Variants in RPS10 observed in about 807,000 individuals in gnomAD.
RPS10 encodes the protein small ribosomal subunit protein eS10.
RPS10 carries 2 observed loss-of-function variants against 22.6 expected under a neutral mutation model. That is an observed-to-expected ratio of 0.09 (90% CI 0.04 to 0.28). The LOEUF is 0.28. Ranked by LOEUF, RPS10 falls within the 10% of genes least tolerant of loss-of-function variation. The pLI, the probability that RPS10 is intolerant of heterozygous loss-of-function variation, is 1.00. For missense variants in RPS10, 137 were observed against 222.2 expected (o/e 0.62, Z 2.44); for synonymous variants, 70 against 75.9 (o/e 0.92, Z 0.40).
intron 5 of RPS10, 115 bp downstream of exon 5, chr6:34,418,254 G>A (rs1765643726): frequency 6.3e-7 from 1 of 1,575,534 alleles, no homozygotes; most frequent in Non-Finnish European, 8.6e-7. Context: ...GTGGGAGGAG[G>A]GAACTGGTTG....
chr6:34,424,361 G>A (rs114388706), intron 3 of RPS10: 150 of 364,094 alleles, frequency 4.1e-4, no homozygotes, highest in African/African-American at 2.8e-3. Flanking sequence ...TGGACTTCTC[G>A]GGAATAGTAC....
intron 4 of RPS10, among the ~76,000 whole-genome samples, chr6:34,419,178 A>G (rs978765994): frequency 1.1e-4 from 17 of 151,276 alleles, no homozygotes; most frequent in African/African-American, 3.9e-4. Context: ...GCCACCATGC[A>G]TGGCTAATTT....
chr6:34,418,138 A>AT, intron 5 of RPS10: 1 of 1,451,608 alleles, frequency 6.9e-7, no homozygotes, highest in Non-Finnish European at 9.1e-7. Context: ...AACAGAAAAT[A>AT]CTAGTAGGCC....
At chr6:34,418,237 G>C in intron 5 of RPS10, 132 bp downstream of exon 5, 1 of 1,549,798 alleles carries the variant, frequency 6.5e-7, no homozygotes, top group Non-Finnish European at 8.7e-7. Context: ...TTGGAATTTG[G>C]AAAAAAGTGG....
chr6:34,425,612 G>A (rs1057263640), intron 1 of RPS10: 14 of 285,380 alleles, frequency 4.9e-5, no homozygotes, highest in African/African-American at 1.5e-4. Flanking sequence ...GCCCGGAGGG[G>A]TAAAGCCCCG....
chr6:34,425,082 T>G lies in RPS10; in HGVS notation c.140A>C (p.Lys47Thr). 1 of 1,612,528 alleles carries G rather than the reference T, an allele frequency of 6.2e-7. No homozygotes were observed. The highest frequency in any genetic ancestry group is 8.5e-7 in the Non-Finnish European group (1 of 1,179,964). Residue 47 changes from lysine (K) to threonine (T), a missense_variant, in exon 2 of 6, where the codon AAG becomes ACG. Transcript: ENST00000648437. ...DKNVPNLHVM[K>T]AMQSLKSRGY... ...TCCTCACCCTCCTACCTGCATGGCC[T>G]TCATGACATGAAGGTTGGGCACATT...
intron 3 of RPS10, chr6:34,424,385 G>A (rs1765881044): frequency 2.3e-6 from 1 of 435,364 alleles, no homozygotes; most frequent in African/African-American, 2.0e-5. Flanking sequence ...GCACTCTGCG[G>A]GAAAAGTTAC....
intron 5 of RPS10, chr6:34,417,811 T>A (rs1231408964): frequency 1.4e-6 from 1 of 718,688 alleles, no homozygotes; most frequent in Non-Finnish European, 2.6e-6. Context: ...TATGAAAGCA[T>A]CCAGCACCAG....
At position 34,418,380 on chromosome 6, in the gene RPS10, C is replaced by G; in HGVS notation, c.445G>C (p.Glu149Gln). The change falls in exon 5 of 6, where the codon GAA becomes CAA. Residue 149 changes from glutamate to glutamine, a missense_variant. Physicochemically the swap from Glu to Gln is conservative, Grantham distance 29. Coordinates refer to ENST00000648437, the MANE Select transcript of RPS10 (RefSeq NM_001014.5). ...KAEAGAGSAT[E>Q]FQFRGGFGRG... is the part of the protein sequence containing the mutation. ...AGGAAGATACTCACAAACTGGAATTCGGTTGCTGACCCAGCCCCAGCCTCG... is the reference window on the plus strand; with the variant it reads ...AGGAAGATACTCACAAACTGGAATTGGGTTGCTGACCCAGCCCCAGCCTCG... The G allele has an allele frequency of 6.2e-7, 1 of 1,614,112 alleles. No homozygotes were observed. Among genetic ancestry groups the G allele is most frequent in the Non-Finnish European group, 8.5e-7 (1 of 1,180,010 alleles).
chr6:34,423,701 G>C (rs1561939541), intron 3 of RPS10, among the ~76,000 whole-genome samples: 2 of 152,102 alleles, frequency 1.3e-5, no homozygotes, highest in African/African-American at 2.4e-5. Flanking sequence ...CTGGCCAACA[G>C]AGTGAAACCC....
At chr6:34,421,371 A>G (rs982620203) in intron 4 of RPS10, among the ~76,000 whole-genome samples, 2 of 151,854 alleles carry the variant, frequency 1.3e-5, no homozygotes, top group Non-Finnish European at 2.9e-5. Flanking sequence ...TTTAATAGAG[A>G]CAGGGTTTCG....
intron 1 of RPS10, chr6:34,425,589 G>A (rs1431474400): frequency 6.2e-6 from 2 of 323,300 alleles, no homozygotes; most frequent in South Asian, 2.6e-5. Context: ...GTACCATAAG[G>A]TACGCAGGGA....
At chr6:34,418,528 C>T in intron 4 of RPS10, 104 bp from the exon 5 acceptor site, 1 of 1,560,220 alleles carries the variant, frequency 6.4e-7, no homozygotes, top group Non-Finnish European at 8.7e-7. Flanking sequence ...AGCCAAGTAC[C>T]ACTCCGTTAA....
intron 3 of RPS10, 177 bp downstream of exon 3, chr6:34,424,492 G>A (rs1765885140): frequency 1.4e-5 from 11 of 760,196 alleles, no homozygotes; most frequent in Non-Finnish European, 2.4e-5. Context: ...TGGATGGCCT[G>A]AAGAACTGAG....
Position 34,424,840 on chromosome 6 carries a change from A to G in RPS10, c.151T>C (p.Ser51Pro). 1 of 1,613,796 alleles carries G rather than the reference A, an allele frequency of 6.2e-7. No individual in the cohort carries two copies. Reference protein sequence around the residue: ...PNLHVMKAMQSLKSRGYVKEQ... With the variant: ...PNLHVMKAMQPLKSRGYVKEQ... Reference sequence around the variant, plus strand: ...TTCACGTAGCCTCGGGACTTGAGAGACTGTAAGGCAGAAAACTACTGTTAA... The same window carrying G: ...TTCACGTAGCCTCGGGACTTGAGAGGCTGTAAGGCAGAAAACTACTGTTAA... The change falls in exon 3 of 6, where the codon TCT becomes CCT. Residue 51 changes from serine (S) to proline (P), a missense_variant and splice_region_variant. Coordinates refer to ENST00000648437, the MANE Select transcript of RPS10 (RefSeq NM_001014.5).
intron 3 of RPS10, among the ~76,000 whole-genome samples, chr6:34,423,442 C>A (rs1765836515): frequency 6.6e-6 from 1 of 152,136 alleles, no homozygotes; most frequent in Non-Finnish European, 1.5e-5. Context: ...AGAATGAACT[C>A]CTTTTAGAGC....
intron 3 of RPS10, among the ~76,000 whole-genome samples, chr6:34,424,060 A>C (rs956387312): frequency 1.3e-5 from 2 of 150,660 alleles, no homozygotes; most frequent in Non-Finnish European, 2.9e-5. Context: ...GTAACAAAGA[A>C]CCATAACCTA....
intron 3 of RPS10, among the ~76,000 whole-genome samples, chr6:34,422,636 T>C (rs1765806326): frequency 6.6e-6 from 1 of 152,100 alleles, no homozygotes; most frequent in Non-Finnish European, 1.5e-5. Flanking sequence ...GGTTGGTATC[T>C]TTAGTAGAGA....
chr6:34,421,057 T>C (rs1000754576), intron 4 of RPS10, among the ~76,000 whole-genome samples: 3 of 148,582 alleles, frequency 2.0e-5, no homozygotes, highest in Non-Finnish European at 4.4e-5. Context: ...ATTATTCCTT[T>C]GCAAAAATAC....
Sources: allele counts gnomAD v4.1 joint callset (sites outside exome capture counted in the v4.1 genomes callset), GRCh38; gene constraint gnomAD v4.1.1; transcripts MANE v1.5; gene names NCBI Gene and HGNC (gene_info 2026-07-23, HGNC 2026-07-21).